Variants in VRTN observed in about 807,000 individuals in gnomAD.
VRTN encodes the protein vertebrae development associated.
In VRTN, 5 loss-of-function variants were observed where a neutral mutation model predicts 18.2. The observed-to-expected ratio is 0.27, with a 90% CI of 0.14 to 0.58. VRTN has a LOEUF of 0.58. VRTN is among the 20% of genes least tolerant of loss of function. The pLI, the probability that VRTN is intolerant of heterozygous loss-of-function variation, is 0.91. For synonymous variants in VRTN, 381 were observed against 393.7 expected (o/e 0.97, Z 0.38); for missense variants, 741 against 939.4 (o/e 0.79, Z 2.76).
chr14:74,348,997 C>T (rs990442847), intron 1 of VRTN, among the ~76,000 whole-genome samples: 9 of 152,104 alleles, frequency 5.9e-5, no homozygotes, highest in Non-Finnish European at 1.2e-4. Context: ...CCTGGAGCCC[C>T]GGACCTGCCA....
chr14:74,356,562 G>T (rs2085728663), intron 1 of VRTN, among the ~76,000 whole-genome samples: 2 of 152,304 alleles, frequency 1.3e-5, no homozygotes, highest in African/African-American at 4.8e-5. Context: ...GATCCAAGGT[G>T]ACCAAGCTTA....
At chr14:74,340,342 C>T (rs2085595208) in intron 2 of VRTN, among the ~76,000 whole-genome samples, 1 of 151,926 alleles carries the variant, frequency 6.6e-6, no homozygotes, top group Non-Finnish European at 1.5e-5. Flanking sequence ...AAACTCCTGA[C>T]CTCAGGTGAT....
At chr14:74,351,410 G>C (rs960970508) in intron 1 of VRTN, among the ~76,000 whole-genome samples, 8 of 151,390 alleles carry the variant, frequency 5.3e-5, no homozygotes, top group African/African-American at 1.9e-4. Context: ...TATGGTGAGA[G>C]GTTATACCAG....
chr14:74,334,088 G>C (rs2140203368), intron 1 of VRTN, among the ~76,000 whole-genome samples: 1 of 152,290 alleles, frequency 6.6e-6, no homozygotes, highest in East Asian at 1.9e-4. Context: ...CAGGCAATGT[G>C]GTTCCAGAAG....
chr14:74,352,727 T>C (rs1482224082), intron 1 of VRTN, among the ~76,000 whole-genome samples: 1 of 152,160 alleles, frequency 6.6e-6, no homozygotes, highest in Non-Finnish European at 1.5e-5. Flanking sequence ...GCGTACAGTT[T>C]GATCTGAAAA....
chr14:74,332,497 G>A (rs1347480219), intron 1 of VRTN, among the ~76,000 whole-genome samples: 3 of 151,544 alleles, frequency 2.0e-5, no homozygotes, highest in African/African-American at 7.3e-5. Flanking sequence ...TGCGATTACA[G>A]GTATGTGCCA....
In VRTN at chr14:74,307,816, C is replaced by T. The variant is rs12586954; in HGVS notation, c.-164+4640C>T. Among the ~76,000 whole-genome samples the T allele has an allele frequency of 2.3e-3, 346 of 152,068 alleles. 22 individuals are homozygous for T. The East Asian group carries it at 0.061, about 27-fold the overall frequency. On this transcript the variant is annotated intron_variant, in intron 1 of 2. Transcript: ENST00000557177. ...CGCGATCTTGGCTCACTGCAACCTC[C>T]GCCTCCCGGGTTCAAGCAATTCTCC...
intron 1 of VRTN, among the ~76,000 whole-genome samples, chr14:74,324,815 A>G (rs531957085): frequency 4.6e-5 from 7 of 152,086 alleles, no homozygotes; most frequent in Non-Finnish European, 7.4e-5. Context: ...TGAGCCCAGG[A>G]GGTGGAGGTT....
At chr14:74,343,117 A>G (rs1309180888) in intron 2 of VRTN, among the ~76,000 whole-genome samples, 3 of 152,112 alleles carry the variant, frequency 2.0e-5, no homozygotes, top group Non-Finnish European at 4.4e-5. Flanking sequence ...TGTTTTCGGG[A>G]AAGTAAATTG....
In VRTN at chr14:74,357,676, G is replaced by T. The variant is rs767452960; in HGVS notation, c.893G>T (p.Arg298Leu). 12 of 1,613,606 alleles carry T rather than the reference G, an allele frequency of 7.4e-6. No individual in the cohort carries two copies. Among genetic ancestry groups the T allele is most frequent in the Non-Finnish European group, 8.5e-6 (10 of 1,179,952 alleles). ...RYSVTKSTFY[R>L]WRRQSQEHRQ... ...AGCGTCACCAAAAGCACCTTCTACCGCTGGCGGCGGCAGTCCCAGGAGCAC... is the reference window on the plus strand; with the variant it reads ...AGCGTCACCAAAAGCACCTTCTACCTCTGGCGGCGGCAGTCCCAGGAGCAC... Residue 298 changes from arginine to leucine, a missense_variant, in exon 2 of 2, where the codon CGC becomes CTC. Arg to Leu is a moderately radical substitution (Grantham distance 102). Around this residue, in one of 3 missense-constraint regions of VRTN, gnomAD observed 494 missense variants for 546.5 expected, o/e 0.90. Transcript: ENST00000256362. This position sits in a 1 kb window ranked among gnomAD's most constrained non-coding sequence, Gnocchi z 7.8.
chr14:74,303,102 C>G (rs1436024592), exon 1 of VRTN: 2 of 494,328 alleles, frequency 4.0e-6, no homozygotes, highest in East Asian at 3.5e-5. Context: ...GCTGACCCGG[C>G]GGCTACAGCG....
At chr14:74,328,089 T>A (rs1279024103) in intron 1 of VRTN, among the ~76,000 whole-genome samples, 2 of 152,134 alleles carry the variant, frequency 1.3e-5, no homozygotes, top group Non-Finnish European at 2.9e-5. Flanking sequence ...ACCTGGCTAG[T>A]GCTGGTTGAT....
At chr14:74,335,029 C>T (rs2140203719) in intron 1 of VRTN, among the ~76,000 whole-genome samples, 1 of 152,266 alleles carries the variant, frequency 6.6e-6, no homozygotes, top group Middle Eastern at 3.4e-3. Context: ...CACCTGTAAT[C>T]CCAGCAGTTT....
chr14:74,325,947 G>T (rs2085484947), intron 1 of VRTN, among the ~76,000 whole-genome samples: 1 of 152,134 alleles, frequency 6.6e-6, no homozygotes, highest in Non-Finnish European at 1.5e-5. Flanking sequence ...ATTGTGCAAA[G>T]AGCTTTCTAG....
intron 1 of VRTN, among the ~76,000 whole-genome samples, chr14:74,314,639 A>G (rs544390058): frequency 7.9e-5 from 12 of 152,028 alleles, no homozygotes; most frequent in South Asian, 2.1e-4. Context: ...CCTGACCTCC[A>G]TGATCCGCCT....
At chr14:74,349,997 C>G (rs539636065) in intron 1 of VRTN, among the ~76,000 whole-genome samples, 1 of 152,128 alleles carries the variant, frequency 6.6e-6, no homozygotes, top group Non-Finnish European at 1.5e-5. Context: ...GGGGCCAGGG[C>G]AGGCCAGCTG....
At chr14:74,322,831 G>T (rs766741439) in intron 1 of VRTN, among the ~76,000 whole-genome samples, 4 of 152,112 alleles carry the variant, frequency 2.6e-5, no homozygotes, top group African/African-American at 9.7e-5. Flanking sequence ...ATGAGTGAAT[G>T]AACTTAAAAA....
chr14:74,326,573 C>T (rs2085488820), intron 1 of VRTN, among the ~76,000 whole-genome samples: 1 of 152,124 alleles, frequency 6.6e-6, no homozygotes, highest in Non-Finnish European at 1.5e-5. Flanking sequence ...CTTCTCGCAC[C>T]TGCTGGCAGC....
At chr14:74,346,997 A>T (rs952917822), upstream of VRTN, among the ~76,000 whole-genome samples, 1 of 152,230 alleles carries the variant, frequency 6.6e-6, no homozygotes, top group African/African-American at 2.4e-5. Context: ...ATCTCCTCCT[A>T]TGAGATAACC....
Sources: allele counts gnomAD v4.1 joint callset (sites outside exome capture counted in the v4.1 genomes callset), GRCh38; gene constraint gnomAD v4.1.1; regional missense constraint gnomAD v4.1.1; non-coding constraint Gnocchi (gnomAD v3.1); transcripts MANE v1.5; gene names NCBI Gene and HGNC (gene_info 2026-07-23, HGNC 2026-07-21).